The following ZNF723 variants were observed in gnomAD, a reference collection of about 807,000 sequenced individuals.
ZNF723 encodes the protein zinc finger protein 723, pseudogene.
ZNF723 carries 5 observed loss-of-function variants against 9.4 expected under a neutral mutation model. The observed-to-expected ratio is 0.53, with a 90% confidence interval of 0.28 to 1.12. The LOEUF is 1.12. Ranked by LOEUF, ZNF723 falls within the 50% of genes most tolerant of loss-of-function variation. The pLI, the probability that ZNF723 is intolerant of heterozygous loss-of-function variation, is 0.10. For missense variants in ZNF723, 450 were observed against 501.5 expected, an observed-to-expected ratio of 0.90 and a Z score of 0.98; for synonymous variants, 158 against 168.8, an observed-to-expected ratio of 0.94 and a Z score of 0.49.
the ZNF723 span, among the ~76,000 whole-genome samples, chr19:22,820,386 C>A: frequency 6.6e-6 from 1 of 152,160 alleles, no homozygotes; most frequent in Non-Finnish European, 1.5e-5. Context: ...GCCCTGCTTT[C>A]ATTAGAGGAT....
At chr19:22,814,945 CTGGGCCTATCA>C in the ZNF723 span, among the ~76,000 whole-genome samples, 1 of 152,114 alleles carries the variant, frequency 6.6e-6, no homozygotes, top group Non-Finnish European at 1.5e-5. Context: ...TGATATGTCA[CTGGGCCTATCA>C]CCTAGGTGAT....
At position 22,848,257 on chromosome 19, in the gene ZNF723, TC is replaced by T; in HGVS notation, c.4-3del. On this transcript the variant is annotated splice_polypyrimidine_tract_variant and splice_region_variant and intron_variant, in intron 1 of 3. Transcript: ENST00000600766. ...GTGTATGTGTGTGTGTGTTTTTTTTTCAGGGACCATTGACATTCACAGATGT... is the reference window on the plus strand; with the variant it reads ...GTGTATGTGTGTGTGTGTTTTTTTTTAGGGACCATTGACATTCACAGATGT... 9.4e-7 allele frequency: 1 copy of T among 1,067,530 alleles called. No individual in the cohort carries two copies. Among genetic ancestry groups the T allele is most frequent in the Non-Finnish European group, 1.4e-6 (1 of 716,616 alleles). 66.1% of individuals were successfully genotyped at this position (1,067,530 alleles called of 1,614,324 possible).
In ZNF723 at chr19:22,857,740, A is replaced by G. The variant is rs1288062051; in HGVS notation, c.849A>G (p.Lys283=). The G allele has an allele frequency of 3.1e-6, 4 of 1,282,704 alleles. No homozygotes were observed. The highest frequency in any genetic ancestry group is 1.5e-5 in the African/African-American group (1 of 68,234). 79.5% of individuals were successfully genotyped at this position (1,282,704 alleles called of 1,614,324 possible). ...NNHKRIHTGE[K]PYKCKECGKA... ...ATAAGAGAATTCACACTGGAGAGAA[A>G]CCCTACAAATGTAAAGAATGTGGCA... is the stretch of plus-strand genomic sequence containing the variant. The change falls in exon 4 of 4, where the codon AAA becomes AAG. Residue 283 remains lysine (K), a synonymous_variant. Coordinates refer to ENST00000600766, the MANE Select transcript of ZNF723 (RefSeq NM_001349726.2).
At chr19:22,846,686 T>C (rs563822975) in intron 1 of ZNF723, among the ~76,000 whole-genome samples, 1 of 152,116 alleles carries the variant, frequency 6.6e-6, no homozygotes, top group Admixed American at 6.6e-5. Context: ...AGATAACTGC[T>C]CTCTAGGGTG....
Position 22,836,140 on chromosome 19 carries a change from A to C in ZNF723, c.3+3758A>C, listed in dbSNP as rs56224223. 7.2e-3 allele frequency among the ~76,000 whole-genome samples: 1,102 copies of C among 152,284 alleles called. 15 individuals carry two copies. Among genetic ancestry groups the C allele is most frequent in the African/African-American group, 0.025 (1,060 of 41,574 alleles). ...TGAGCCTGCAAAAGGAGGTTATTAA[A>C]GGCACCGTTAGTTCTTCCTGGGGAG... On this transcript the variant is annotated intron_variant, in intron 1 of 3. Coordinates refer to ENST00000600766, the MANE Select transcript of ZNF723 (RefSeq NM_001349726.2).
At chr19:22,838,749 A>G (rs921412531) in intron 1 of ZNF723, among the ~76,000 whole-genome samples, 1 of 150,890 alleles carries the variant, frequency 6.6e-6, no homozygotes, top group Admixed American at 6.6e-5. Context: ...TTCTTATTTT[A>G]TTATTATTAT....
upstream of ZNF723, among the ~76,000 whole-genome samples, chr19:22,831,000 T>A (rs1967087614): frequency 6.6e-6 from 1 of 152,072 alleles, no homozygotes; most frequent in African/African-American, 2.4e-5. Flanking sequence ...TGACCTCAGG[T>A]GATTCACCTA....
At chr19:22,831,236 G>A (rs933239647), upstream of ZNF723, among the ~76,000 whole-genome samples, 8 of 152,166 alleles carry the variant, frequency 5.3e-5, no homozygotes, top group Non-Finnish European at 1.0e-4. Context: ...GGCTGAAATG[G>A]TCTTGAATAC....
intron 3 of ZNF723, among the ~76,000 whole-genome samples, chr19:22,853,811 A>C (rs894988103): frequency 1.3e-5 from 2 of 152,012 alleles, no homozygotes; most frequent in African/African-American, 4.8e-5. Flanking sequence ...ACAGGGTTTC[A>C]CCATGTTGGC....
chr19:22,853,834 G>C (rs547151665), intron 3 of ZNF723, among the ~76,000 whole-genome samples: 1 of 151,984 alleles, frequency 6.6e-6, no homozygotes, highest in Non-Finnish European at 1.5e-5. Context: ...GGCTGGTCTC[G>C]AGCTCCTAAC....
At chr19:22,846,947 C>T (rs769977094) in intron 1 of ZNF723, among the ~76,000 whole-genome samples, 7 of 148,734 alleles carry the variant, frequency 4.7e-5, no homozygotes, top group Admixed American at 2.0e-4. Context: ...AGCAGTGATG[C>T]TGTGTTATGT....
At chr19:22,832,798 A>G (rs184472225) in intron 1 of ZNF723, among the ~76,000 whole-genome samples, 65 of 152,358 alleles carry the variant, frequency 4.3e-4, no homozygotes, top group South Asian at 1.0e-3. Context: ...CAAAAATATT[A>G]AAGAATTTAA....
At chr19:22,852,300 T>A (rs1322367616) in intron 3 of ZNF723, among the ~76,000 whole-genome samples, 1 of 152,190 alleles carries the variant, frequency 6.6e-6, no homozygotes, top group Non-Finnish European at 1.5e-5. Context: ...TGCCACCTCA[T>A]AGCAGTTAAT....
chr19:22,852,596 GA>G (rs1967413143), intron 3 of ZNF723, among the ~76,000 whole-genome samples: 1 of 152,028 alleles, frequency 6.6e-6, no homozygotes, highest in Admixed American at 6.6e-5. Context: ...TTTGTGTGGG[GA>G]AAAATTTTGG....
At chr19:22,817,103 T>C in the ZNF723 span, among the ~76,000 whole-genome samples, 3 of 152,254 alleles carry the variant, frequency 2.0e-5, no homozygotes, top group Non-Finnish European at 4.4e-5. Context: ...TTTGAAAATA[T>C]GGCTGAATCC....
upstream of ZNF723, among the ~76,000 whole-genome samples, chr19:22,831,624 A>T (rs1416466119): frequency 1.3e-5 from 2 of 149,718 alleles, no homozygotes; most frequent in East Asian, 4.0e-4. Flanking sequence ...TTTAAAAAAA[A>T]TCTTGGCCGG....
At chr19:22,831,267 TTG>T (rs1967090369), upstream of ZNF723, among the ~76,000 whole-genome samples, 1 of 152,128 alleles carries the variant, frequency 6.6e-6, no homozygotes, top group South Asian at 2.1e-4. Context: ...TTTTTAAAGT[TTG>T]GCAATGGCCG....
intron 1 of ZNF723, among the ~76,000 whole-genome samples, chr19:22,839,120 G>A (rs1291742478): frequency 2.6e-5 from 4 of 151,856 alleles, no homozygotes; most frequent in East Asian, 1.9e-4. Context: ...TGCCTGCCTC[G>A]GCCTCTTAAA....
At chr19:22,842,487 T>A (rs1215251088) in intron 1 of ZNF723, among the ~76,000 whole-genome samples, 1 of 152,212 alleles carries the variant, frequency 6.6e-6, no homozygotes, top group African/African-American at 2.4e-5. Flanking sequence ...CAACTTTGTA[T>A]CAGCCATCTC....
Sources: allele counts gnomAD v4.1 joint callset (sites outside exome capture counted in the v4.1 genomes callset), GRCh38; gene constraint gnomAD v4.1.1; transcripts MANE v1.5; gene names NCBI Gene and HGNC (gene_info 2026-07-23, HGNC 2026-07-21).